Variants in TACR1 observed in about 807,000 individuals in gnomAD.
TACR1 encodes the protein substance-P receptor.
TACR1 carries 25 observed loss-of-function variants against 35.8 expected under a neutral mutation model. The observed-to-expected ratio is 0.70, with a 90% confidence interval of 0.51 to 0.98. TACR1 has a LOEUF of 0.98. Among genes scored for constraint, TACR1 ranks in the 50% least tolerant of loss-of-function variants. The pLI is 0.00. For synonymous variants in TACR1, 195 were observed against 206.7 expected (o/e 0.94, Z 0.48); for missense variants, 478 against 522.9 (o/e 0.91, Z 0.84).
At position 75,198,699 on chromosome 2, in the gene TACR1, G is replaced by A; in HGVS notation, c.236C>T (p.Ala79Val). ...CACTGTATTGAATGCAGCCATGGAG[G>A]CCTCCGCGAAGGCCAGGTTCACCAG... ...YFLVNLAFAE[A>V]SMAAFNTVVN... The change falls in exon 1 of 5, where the codon GCC becomes GTC. Residue 79 changes from alanine (A) to valine (V), a missense_variant. Physicochemically the swap from Ala to Val is moderately conservative, Grantham distance 64. Transcript: ENST00000305249. 1 of 1,614,220 alleles carries A rather than the reference G, an allele frequency of 6.2e-7. No individual in the cohort carries two copies. Among genetic ancestry groups the A allele is most frequent in the Non-Finnish European group, 8.5e-7 (1 of 1,180,042 alleles).
At chr2:75,093,213 G>A (rs902437331) in intron 2 of TACR1, among the ~76,000 whole-genome samples, 2 of 152,160 alleles carry the variant, frequency 1.3e-5, no homozygotes, top group Non-Finnish European at 2.9e-5. Context: ...TCACAAATCA[G>A]TTCTCCTGTA....
At chr2:75,108,050 G>T (rs1673685305) in intron 2 of TACR1, among the ~76,000 whole-genome samples, 1 of 151,946 alleles carries the variant, frequency 6.6e-6, no homozygotes, top group Non-Finnish European at 1.5e-5. Flanking sequence ...AAAACTATAA[G>T]TGGCAGTGAT....
At chr2:75,051,487 C>T (rs767042792) in intron 3 of TACR1, 40 bp from the exon 4 acceptor site, 147 of 1,609,922 alleles carry the variant, frequency 9.1e-5, no homozygotes, top group Admixed American at 4.9e-4. Context: ...CCAGCACATC[C>T]CCCTCTCTCA....
At chr2:75,170,384 T>C (rs1675248060) in intron 1 of TACR1, among the ~76,000 whole-genome samples, 1 of 152,308 alleles carries the variant, frequency 6.6e-6, no homozygotes, top group Middle Eastern at 3.4e-3. Flanking sequence ...GAACTGTGAG[T>C]CAATTAAACC....
At chr2:75,055,951 G>A (rs2422094) in intron 2 of TACR1, among the ~76,000 whole-genome samples, 15,957 of 152,200 alleles carry the variant, frequency 0.1, 1,243 homozygotes, top group Non-Finnish European at 0.15. Context: ...GTTCTCAACC[G>A]CAAATGTAAA....
chr2:75,153,083 A>G (rs976259160), intron 1 of TACR1, among the ~76,000 whole-genome samples: 2 of 152,058 alleles, frequency 1.3e-5, no homozygotes, highest in Non-Finnish European at 2.9e-5. Flanking sequence ...TGTATTTTTT[A>G]GTAGAGATGG....
At chr2:75,196,328 T>A (rs1675973110) in intron 1 of TACR1, among the ~76,000 whole-genome samples, 1 of 152,094 alleles carries the variant, frequency 6.6e-6, no homozygotes, top group Non-Finnish European at 1.5e-5. Context: ...GAGTTTATAG[T>A]GTGCTCACCA....
At chr2:75,182,350 G>C (rs1187396789) in intron 1 of TACR1, among the ~76,000 whole-genome samples, 1 of 152,126 alleles carries the variant, frequency 6.6e-6, no homozygotes. Flanking sequence ...GCAAAGGGCA[G>C]GCAACTGTAA....
At position 75,094,205 on chromosome 2, in the gene TACR1, T is replaced by C. The variant is rs187773085; in HGVS notation, c.584+26369A>G. Among the ~76,000 whole-genome samples, 196 of 152,290 alleles carry C rather than the reference T, an allele frequency of 1.3e-3. 1 individual carries two copies. The highest frequency in any genetic ancestry group is 4.6e-3 in the African/African-American group (191 of 41,552). ...GAAAAAAGCTCTACAGTTTTCTAAA[T>C]GGAAGGGATAAAGTTGAATAAACAA... On this transcript the variant is annotated intron_variant, in intron 2 of 4. Coordinates refer to ENST00000305249, the MANE Select transcript of TACR1 (RefSeq NM_001058.4).
rs1672419872 is a variant in TACR1 at position 75,049,241 on chromosome 2, G to A, written c.*191C>T. ...ATTTGGTTTGAGTCACACAGCATGA[G>A]GGTGGCAAAGATAGGGAAGAATTGA... On this transcript the variant is annotated 3_prime_UTR_variant, in exon 5 of 5. Transcript: ENST00000305249. 4.7e-6 allele frequency: 3 copies of A among 633,488 alleles called. No homozygotes were observed. Among genetic ancestry groups the A allele is most frequent in the Non-Finnish European group, 8.1e-6 (3 of 372,176 alleles). 39.2% of individuals were successfully genotyped at this position (633,488 alleles called of 1,614,324 possible). A position where few individuals can be genotyped will look rare whatever the true frequency, so the allele number is the denominator to read the frequency against.
At chr2:75,065,467 G>T (rs1468316335) in intron 2 of TACR1, among the ~76,000 whole-genome samples, 2 of 152,174 alleles carry the variant, frequency 1.3e-5, no homozygotes, top group East Asian at 3.9e-4. Context: ...AAACCCTCTA[G>T]ATGGGTCTTA....
At chr2:75,157,149 G>C (rs968213238) in intron 1 of TACR1, among the ~76,000 whole-genome samples, 1 of 152,134 alleles carries the variant, frequency 6.6e-6, no homozygotes, top group African/African-American at 2.4e-5. Flanking sequence ...GCAGGGCAGG[G>C]GTTGGGGGAT....
intron 1 of TACR1, among the ~76,000 whole-genome samples, chr2:75,146,153 C>T (rs981611499): frequency 2.6e-5 from 4 of 152,108 alleles, no homozygotes; most frequent in Non-Finnish European, 5.9e-5. Context: ...GATGGTGTCT[C>T]TCTCTGTCGC....
At chr2:75,113,039 A>G (rs1034699457) in intron 2 of TACR1, among the ~76,000 whole-genome samples, 1 of 152,176 alleles carries the variant, frequency 6.6e-6, no homozygotes, top group African/African-American at 2.4e-5. Context: ...AGATTTCCAT[A>G]TTGTTCTGTG....
intron 2 of TACR1, among the ~76,000 whole-genome samples, chr2:75,093,661 G>C (rs997128354): frequency 6.6e-6 from 1 of 152,088 alleles, no homozygotes; most frequent in Non-Finnish European, 1.5e-5. Flanking sequence ...GTTACAACTA[G>C]CACATTCTGT....
chr2:75,076,582 T>C (rs1039141610), intron 2 of TACR1, among the ~76,000 whole-genome samples: 1 of 152,170 alleles, frequency 6.6e-6, no homozygotes, highest in African/African-American at 2.4e-5. Flanking sequence ...CTGTGAAAGC[T>C]TGGAGTACAG....
intron 1 of TACR1, among the ~76,000 whole-genome samples, chr2:75,135,379 C>G (rs1674258420): frequency 6.6e-6 from 1 of 152,234 alleles, no homozygotes; most frequent in Admixed American, 6.5e-5. Flanking sequence ...AGGCACTTAA[C>G]ACTTGTTCAC....
intron 1 of TACR1, among the ~76,000 whole-genome samples, chr2:75,159,897 G>C (rs1481639632): frequency 6.6e-6 from 1 of 152,134 alleles, no homozygotes; most frequent in Non-Finnish European, 1.5e-5. Flanking sequence ...TGTCAATAGA[G>C]GTACCATTCG....
rs532770019 is a variant in TACR1 at position 75,146,002 on chromosome 2, T to A, written c.390-25234A>T. 1.9e-3 allele frequency among the ~76,000 whole-genome samples: 290 copies of A among 152,096 alleles called. 1 individual carries two copies. The highest frequency in any genetic ancestry group is 3.5e-3 in the Non-Finnish European group (239 of 67,988). ...AATGCAAAGAGAAAGTGGCCAAAGATCAAATCCTAGAGAATATTAACATTC... is the reference window on the plus strand; with the variant it reads ...AATGCAAAGAGAAAGTGGCCAAAGAACAAATCCTAGAGAATATTAACATTC... On this transcript the variant is annotated intron_variant, in intron 1 of 4. Transcript: ENST00000305249.
Sources: gnomAD v4.1 joint callset for allele counts (sites outside exome capture counted in the v4.1 genomes callset) on GRCh38, gnomAD v4.1.1 for gene constraint, MANE v1.5 for transcripts, NCBI Gene and HGNC (gene_info 2026-07-23, HGNC 2026-07-21) for gene names.